NLRP9: variants seen among roughly 807,000 people sequenced by gnomAD.
NLRP9 encodes NACHT, LRR and PYD domains-containing protein 9.
Under a neutral mutation model 83.1 loss-of-function variants are expected in NLRP9, and 88 were observed. The observed-to-expected ratio is 1.06, with a 90% CI of 0.89 to 1.26. The LOEUF is 1.26. NLRP9 is among the 50% of genes most tolerant of loss of function. The pLI, the probability that NLRP9 is intolerant of heterozygous loss-of-function variation, is 0.00. For missense variants in NLRP9, 1,308 were observed against 1,179.3 expected (o/e 1.11, Z -1.60); for synonymous variants, 521 against 447.6 (o/e 1.16, Z -2.07).
Position 55,729,929 on chromosome 19 carries a change from G to T in NLRP9, c.1896C>A (p.Phe632Leu), listed in dbSNP as rs776205549. 1 of 1,613,824 alleles carries T rather than the reference G, an allele frequency of 6.2e-7. No individual in the cohort carries two copies. Reference sequence around the variant, plus strand: ...TGGTATTTTCCATGTCTAAAATCTGGAAGTTCTTGTTGGTAATGAACATTG... The same window carrying T: ...TGGTATTTTCCATGTCTAAAATCTGTAAGTTCTTGTTGGTAATGAACATTG... ...LCSMFITNKNFQILDMENTSL... is the reference protein window; with the variant it reads ...LCSMFITNKNLQILDMENTSL... Residue 632 changes from phenylalanine (F) to leucine (L), a missense_variant, in exon 3 of 9, where the codon TTC (phenylalanine) becomes TTA (leucine). Transcript: ENST00000332836.
chr19:55,723,953 C>G (rs1223799522), intron 4 of NLRP9, 27 bp downstream of exon 4: 3 of 1,581,066 alleles, frequency 1.9e-6, no homozygotes, highest in Non-Finnish European at 2.6e-6. Context: ...AAAGAAACAG[C>G]ACTCGGCATG....
At chr19:55,722,822 AAAGG>A (rs199971034) in intron 4 of NLRP9, among the ~76,000 whole-genome samples, 1,768 of 152,310 alleles carry the variant, frequency 0.012, 33 homozygotes, top group African/African-American at 0.036. Flanking sequence ...CAGCCATAAA[AAAGG>A]AAGAGTTCAT....
chr19:55,724,200 A>C, intron 3 of NLRP9, 56 bp from the exon 4 acceptor site: 2 of 1,245,912 alleles, frequency 1.6e-6, no homozygotes, highest in South Asian at 2.7e-5. Context: ...GCACAAAGAC[A>C]GACACCTCTT....
At position 55,732,018 on chromosome 19, in the gene NLRP9, C is replaced by A; in HGVS notation, c.1813G>T (p.Asp605Tyr). ...RMCVENIFPD[D>Y]SGCISDYNEK... is the part of the protein sequence containing the mutation. Reference sequence around the variant, plus strand: ...ACTCACTCTGAGATGCATCCTGAGTCATCTGGAAAGATATTCTCCACACAC... The same window carrying A: ...ACTCACTCTGAGATGCATCCTGAGTAATCTGGAAAGATATTCTCCACACAC... Residue 605 changes from aspartate (D) to tyrosine (Y), a missense_variant, in exon 2 of 9, where the codon GAC becomes TAC. Physicochemically the swap from Asp to Tyr is radical, Grantham distance 160. Coordinates refer to ENST00000332836, the MANE Select transcript of NLRP9 (RefSeq NM_176820.4). 6.4e-7 allele frequency: 1 copy of A among 1,572,142 alleles called. No individual in the cohort carries two copies. Among genetic ancestry groups the A allele is most frequent in the South Asian group, 1.2e-5 (1 of 81,866 alleles).
rs188310806 is a variant in NLRP9 at position 55,718,689 on chromosome 19, T to C, written c.2160-1791A>G. On this transcript the variant is annotated intron_variant, in intron 4 of 8. Coordinates refer to ENST00000332836, the MANE Select transcript of NLRP9 (RefSeq NM_176820.4). ...CCCAGCCACATTCCCCTCGCCAAGA[T>C]AGTAAAAATAGTGATCAATAAATAC... Among the ~76,000 whole-genome samples, 524 of 152,322 alleles carry C rather than the reference T, an allele frequency of 3.4e-3. 6 individuals carry two copies. The highest frequency in any genetic ancestry group is 0.012 in the African/African-American group (488 of 41,586).
chr19:55,731,278 C>T (rs299162), intron 2 of NLRP9, among the ~76,000 whole-genome samples: 2 of 151,554 alleles, frequency 1.3e-5, no homozygotes, highest in East Asian at 3.9e-4. Context: ...TTCCAGGAGT[C>T]CCCTCTCAGT....
chr19:55,731,900 T>G (rs1295363610), intron 2 of NLRP9, 99 bp downstream of exon 2: 1 of 743,020 alleles, frequency 1.3e-6, no homozygotes, highest in African/African-American at 1.8e-5. Context: ...ACCTCCATGC[T>G]TTTAAGCACA....
chr19:55,721,635 G>A (rs1988228145), intron 4 of NLRP9, among the ~76,000 whole-genome samples: 1 of 152,104 alleles, frequency 6.6e-6, no homozygotes, highest in South Asian at 2.1e-4. Flanking sequence ...TGGGTATTTA[G>A]CAGCATCCTT....
intron 3 of NLRP9, among the ~76,000 whole-genome samples, chr19:55,725,852 C>A (rs558457710): frequency 6.6e-6 from 1 of 152,124 alleles, no homozygotes; most frequent in African/African-American, 2.4e-5. Context: ...CATGATGAAA[C>A]CCCATCTCTA....
intron 3 of NLRP9, among the ~76,000 whole-genome samples, chr19:55,728,507 G>A (rs1988466650): frequency 6.6e-6 from 1 of 151,994 alleles, no homozygotes; most frequent in African/African-American, 2.4e-5. Flanking sequence ...GGGAGGTGGA[G>A]GTTGCGGTGA....
intron 6 of NLRP9, among the ~76,000 whole-genome samples, chr19:55,713,646 TCTC>T (rs1987880223): frequency 1.3e-5 from 1 of 78,968 alleles, no homozygotes; most frequent in Non-Finnish European, 2.5e-5. Context: ...TCCTCTCCCC[TCTC>T]CCTCCCCACC....
At chr19:55,726,300 T>C (rs935972747) in intron 3 of NLRP9, among the ~76,000 whole-genome samples, 3 of 152,170 alleles carry the variant, frequency 2.0e-5, no homozygotes, top group African/African-American at 7.2e-5. Context: ...ATCAACCTCA[T>C]GGAAAAGGGG....
intron 8 of NLRP9, chr19:55,711,249 ATAAAAAAATAACTTTTAAAAAT>A: frequency 1.4e-5 from 7 of 496,434 alleles, no homozygotes; most frequent in Non-Finnish European, 1.8e-5. Context: ...TTTTTAAAAA[ATAAAAAAATAACTTTTAAAAAT>A]TAAAAAAATA....
chr19:55,722,929 T>C (rs1216825494), intron 4 of NLRP9, among the ~76,000 whole-genome samples: 1 of 151,856 alleles, frequency 6.6e-6, no homozygotes, highest in African/African-American at 2.4e-5. Context: ...TTCTCACTCA[T>C]AAGTGGAGTT....
intron 1 of NLRP9, 120 bp downstream of exon 1, chr19:55,737,975 C>T: frequency 1.0e-6 from 1 of 969,160 alleles, no homozygotes. Flanking sequence ...CTACCTTCAA[C>T]TCTCACCTTG....
intron 5 of NLRP9, among the ~76,000 whole-genome samples, chr19:55,716,224 TA>T (rs1315406732): frequency 3.3e-5 from 5 of 151,878 alleles, no homozygotes; most frequent in African/African-American, 1.2e-4. Flanking sequence ...CTGTATGGCT[TA>T]AATATATGCA....
intron 5 of NLRP9, 36 bp from the exon 6 acceptor site, chr19:55,715,261 C>T (rs1434379294): frequency 4.4e-6 from 7 of 1,577,254 alleles, no homozygotes; most frequent in South Asian, 1.1e-5. Flanking sequence ...GCCTGCTGAA[C>T]AGCAGTACAT....
chr19:55,716,601 C>G (rs1988023058), intron 5 of NLRP9, 127 bp downstream of exon 5: 1 of 754,570 alleles, frequency 1.3e-6, no homozygotes, highest in South Asian at 1.7e-5. Context: ...GGGAAAGGAA[C>G]TCAGGTCTAG....
Position 55,712,555 on chromosome 19 carries a change from T to G in NLRP9, c.2537A>C (p.Lys846Thr). ...MGCFLTSDSC[K>T]DIAAVLICNG... ...GCAAATAAGAACAGCAGCAATGTCC[T>G]TACAGGAATCGGAAGTAAGGAAACA... Residue 846 changes from lysine to threonine, a missense_variant, in exon 7 of 9, where the codon AAG (lysine) becomes ACG (threonine). By Grantham distance (78) the Lys-to-Thr change is moderately conservative. Coordinates refer to ENST00000332836, the MANE Select transcript of NLRP9 (RefSeq NM_176820.4). The G allele has an allele frequency of 3.1e-6, 5 of 1,612,462 alleles. No individual in the cohort carries two copies. Among genetic ancestry groups the G allele is most frequent in the Non-Finnish European group, 4.2e-6 (5 of 1,179,850 alleles).
Sources: allele counts gnomAD v4.1 joint callset (sites outside exome capture counted in the v4.1 genomes callset), GRCh38; gene constraint gnomAD v4.1.1; transcripts MANE v1.5; gene names NCBI Gene and HGNC (gene_info 2026-07-23, HGNC 2026-07-21).